The following HAPLN4 variants were observed in gnomAD, a reference collection of about 807,000 sequenced individuals.
The protein encoded by HAPLN4 is brain link protein 2.
HAPLN4 carries 19 observed loss-of-function variants against 28.0 expected under a neutral mutation model. That is an observed-to-expected ratio of 0.68 (90% confidence interval 0.47 to 1.00). HAPLN4 has a LOEUF of 1.00. Among genes scored for constraint, HAPLN4 ranks in the 50% least tolerant of loss-of-function variants. The probability of loss-of-function intolerance (pLI) is 0.00; values close to 1 mark genes in which losing one functional copy is unlikely to be tolerated. For synonymous variants in HAPLN4, 274 were observed against 273.0 expected (o/e 1.00, Z -0.03); for missense variants, 587 against 602.6 (o/e 0.97, Z 0.27).
Position 19,257,824 on chromosome 19 carries a change from T to C in HAPLN4, c.1202A>G (p.His401Arg). ...TGTCCGCCTACTCCCAGCCTAGACG[T>C]GCAGAGGGGTCCAGGCAGCAGGATC... Reference protein sequence around the residue: ...ARDPAAWTPLHV With the variant: ...ARDPAAWTPLRV The change falls in exon 5 of 5, where the codon CAC becomes CGC. Residue 401 changes from histidine to arginine, a missense_variant. Coordinates refer to ENST00000291481, the MANE Select transcript of HAPLN4 (RefSeq NM_023002.3). 7.1e-7 allele frequency: 1 copy of C among 1,409,646 alleles called. No individual in the cohort carries two copies. Among genetic ancestry groups the C allele is most frequent in the Non-Finnish European group, 9.2e-7 (1 of 1,091,648 alleles). The allele number at this position is 1,409,646 out of a possible 1,614,324, so 87.3% of individuals were successfully genotyped here. A position where few individuals can be genotyped will look rare whatever the true frequency, so the allele number is the denominator to read the frequency against.
intron 3 of HAPLN4, among the ~76,000 whole-genome samples, chr19:19,259,894 C>T (rs1014417553): frequency 6.6e-6 from 1 of 152,172 alleles, no homozygotes; most frequent in South Asian, 2.1e-4. Context: ...ATCAGAGCAT[C>T]CCATCTTCCA....
chr19:19,258,283 C>T lies in HAPLN4; in HGVS notation c.818-75G>A. The T allele has an allele frequency of 7.3e-7, 1 of 1,372,210 alleles. No individual in the cohort carries two copies. The highest frequency in any genetic ancestry group is 9.6e-7 in the Non-Finnish European group (1 of 1,036,888). 85.0% of individuals were successfully genotyped at this position (1,372,210 alleles called of 1,614,324 possible). A position where few individuals can be genotyped will look rare whatever the true frequency, so the allele number is the denominator to read the frequency against. The stretch of plus-strand genomic sequence containing the variant: ...TGCTTCGGTGGGATTCAGGACTGCC[C>T]CCCGCATGCAGCCTAGGACTCTGGC... On this transcript the variant is annotated intron_variant, in intron 4 of 4. Coordinates refer to ENST00000291481, the MANE Select transcript of HAPLN4 (RefSeq NM_023002.3). This position sits in a 1 kb window ranked among gnomAD's most constrained non-coding sequence, Gnocchi z 6.2.
Position 19,258,224 on chromosome 19 carries a change from G to C in HAPLN4, c.818-16C>G, listed in dbSNP as rs907074442. On this transcript the variant is annotated splice_polypyrimidine_tract_variant and intron_variant, in intron 4 of 4. Transcript: ENST00000291481. This position sits in a 1 kb window ranked among gnomAD's most constrained non-coding sequence, Gnocchi z 6.2. Reference sequence around the variant, plus strand: ...AACACGCGCCCTGCGGGGGTGAGGTGGGGGGTGGGTTATTAGTGCGGCTCC... The same window carrying C: ...AACACGCGCCCTGCGGGGGTGAGGTCGGGGGTGGGTTATTAGTGCGGCTCC... 4.8e-6 allele frequency: 7 copies of C among 1,466,536 alleles called. No homozygotes were observed. The highest frequency in any genetic ancestry group is 2.4e-5 in the Admixed American group (1 of 41,660). 90.8% of individuals were successfully genotyped at this position (1,466,536 alleles called of 1,614,324 possible).
At position 19,258,581 on chromosome 19, in the gene HAPLN4, C is replaced by A; in HGVS notation, c.759G>T (p.Gly253=). 1 of 1,613,750 alleles carries A rather than the reference C, an allele frequency of 6.2e-7. No individual in the cohort carries two copies. Among genetic ancestry groups the A allele is most frequent in the Non-Finnish European group, 8.5e-7 (1 of 1,179,866 alleles). The change falls in exon 4 of 5, where the codon GGG becomes GGT. Residue 253 remains glycine (G), a synonymous_variant. Coordinates refer to ENST00000291481, the MANE Select transcript of HAPLN4 (RefSeq NM_023002.3). The surrounding 1 kb of genome is among the most constrained non-coding windows in gnomAD (Gnocchi z 6.2). ...GDANGGLRNY[G]YRHNAEERYD... The stretch of plus-strand genomic sequence containing the variant: ...AGCGTTCCTCGGCGTTATGGCGATA[C>A]CCGTAGTTGCGCAGGCCCCCGTTGG...
intron 2 of HAPLN4, 94 bp from the exon 3 acceptor site, chr19:19,261,269 T>G: frequency 2.2e-6 from 3 of 1,370,164 alleles, no homozygotes; most frequent in Non-Finnish European, 3.0e-6. Context: ...GTGGGAAGAC[T>G]CGGGTGGGGG....
chr19:19,258,496 G>A lies in HAPLN4; in HGVS notation c.817+27C>T, dbSNP rs1599832221. 1.2e-6 allele frequency: 2 copies of A among 1,603,132 alleles called. No individual in the cohort carries two copies. Among genetic ancestry groups the A allele is most frequent in the Non-Finnish European group, 1.7e-6 (2 of 1,172,674 alleles). On this transcript the variant is annotated intron_variant, in intron 4 of 4. Coordinates refer to ENST00000291481, the MANE Select transcript of HAPLN4 (RefSeq NM_023002.3). This position sits in a 1 kb window ranked among gnomAD's most constrained non-coding sequence, Gnocchi z 6.2. ...GGGTTGGGGTAGTGTTGCAGCAGAG[G>A]CCAGTCTTGGGGTGAGGCCTACGCA...
intron 1 of HAPLN4, among the ~76,000 whole-genome samples, chr19:19,262,345 G>A (rs1290780413): frequency 1.3e-5 from 2 of 150,484 alleles, no homozygotes; most frequent in African/African-American, 4.9e-5. Flanking sequence ...GAGAGGCAGA[G>A]GGAGACAGAG....
rs765420731 is a variant in HAPLN4 at position 19,258,634 on chromosome 19, T to C, written c.706A>G (p.Thr236Ala). Residue 236 changes from threonine (T) to alanine (A), a missense_variant, in exon 4 of 5, where the codon ACC becomes GCC. By Grantham distance (58) the Thr-to-Ala change is moderately conservative. Coordinates refer to ENST00000291481, the MANE Select transcript of HAPLN4 (RefSeq NM_023002.3). The surrounding 1 kb of genome is among the most constrained non-coding windows in gnomAD (Gnocchi z 6.2). ...PREPCGGLGG[T>A]GSAGGGGDAN... is the part of the protein sequence containing the mutation. ...TCACCGCCGCCCCCTGCACTCCCGG[T>C]CCCCCCCAGGCCGCCGCAGGGCTCC... 1.2e-6 allele frequency: 2 copies of C among 1,611,520 alleles called. No individual in the cohort carries two copies. Among genetic ancestry groups the C allele is most frequent in the African/African-American group, 2.7e-5 (2 of 74,800 alleles).
At position 19,258,630 on chromosome 19, in the gene HAPLN4, C is replaced by G. The variant is rs1018483977; in HGVS notation, c.710G>C (p.Gly237Ala). The G allele has an allele frequency of 1.7e-5, 28 of 1,612,370 alleles. No homozygotes were observed. Among genetic ancestry groups the G allele is most frequent in the Non-Finnish European group, 2.2e-5 (26 of 1,179,380 alleles). ...GGCATCACCGCCGCCCCCTGCACTC[C>G]CGGTCCCCCCCAGGCCGCCGCAGGG... is the stretch of plus-strand genomic sequence containing the variant. ...REPCGGLGGT[G>A]SAGGGGDANG... is the part of the protein sequence containing the mutation. Residue 237 changes from glycine (G) to alanine (A), a missense_variant, in exon 4 of 5, where the codon GGG becomes GCG. Gly to Ala is a moderately conservative substitution (Grantham distance 60). Coordinates refer to ENST00000291481, the MANE Select transcript of HAPLN4 (RefSeq NM_023002.3). This position sits in a 1 kb window ranked among gnomAD's most constrained non-coding sequence, Gnocchi z 6.2.
At position 19,261,495 on chromosome 19, in the gene HAPLN4, T is replaced by G. The variant is rs2060983369; in HGVS notation, c.72A>C (p.Thr24=). The part of the protein sequence containing the change: ...WAAAWGVLLL[T]APAGAQRGRK... ...GGCCACGCTGCGCCCCCGCAGGGGC[T>G]GTGAGCAGCAGGACGCCCCAGGCCG... Residue 24 remains threonine, a synonymous_variant, in exon 2 of 5, where the codon ACA becomes ACC. Coordinates refer to ENST00000291481, the MANE Select transcript of HAPLN4 (RefSeq NM_023002.3). 1 of 1,611,992 alleles carries G rather than the reference T, an allele frequency of 6.2e-7. No homozygotes were observed. The highest frequency in any genetic ancestry group is 8.5e-7 in the Non-Finnish European group (1 of 1,179,638).
chr19:19,262,478 T>G (rs1325866932), intron 1 of HAPLN4, among the ~76,000 whole-genome samples: 6 of 134,928 alleles, frequency 4.4e-5, no homozygotes, highest in African/African-American at 8.6e-5. Flanking sequence ...GAGGGAGAGA[T>G]AGGGACAGGG....
chr19:19,262,687 G>A (rs1346853247), intron 1 of HAPLN4, 43 bp downstream of exon 1: 1 of 1,608,180 alleles, frequency 6.2e-7, no homozygotes, highest in African/African-American at 1.3e-5. Context: ...TCCAAGATTG[G>A]GGAGACGGGG....
At position 19,258,918 on chromosome 19, in the gene HAPLN4, G is replaced by A; in HGVS notation, c.485-63C>T. On this transcript the variant is annotated intron_variant, in intron 3 of 4. Coordinates refer to ENST00000291481, the MANE Select transcript of HAPLN4 (RefSeq NM_023002.3). This position sits in a 1 kb window ranked among gnomAD's most constrained non-coding sequence, Gnocchi z 6.2. Reference sequence around the variant, plus strand: ...GCCCACCCTCATGCACCTGACGTCTGGGGTGCTATGTGACTCTTCAACCGG... The same window carrying A: ...GCCCACCCTCATGCACCTGACGTCTAGGGTGCTATGTGACTCTTCAACCGG... 7.6e-7 allele frequency: 1 copy of A among 1,322,558 alleles called. No individual in the cohort carries two copies. The allele number at this position is 1,322,558 out of a possible 1,614,324, so 81.9% of individuals were successfully genotyped here.
At chr19:19,259,212 C>T (rs118043674) in intron 3 of HAPLN4, among the ~76,000 whole-genome samples, 1,652 of 152,242 alleles carry the variant, frequency 0.011, 16 homozygotes, top group Middle Eastern at 0.034. Flanking sequence ...CTCTGACATT[C>T]CGCCAGTACT....
Position 19,262,346 on chromosome 19 carries a change from G to GGAGACAGAGAGGCAGAGGGA in HAPLN4, c.3+364_3+383dup, listed in dbSNP as rs1157335356. On this transcript the variant is annotated intron_variant, in intron 1 of 4. Coordinates refer to ENST00000291481, the MANE Select transcript of HAPLN4 (RefSeq NM_023002.3). ...GAGAGGGAGAGACAGAGAGGCAGAG[G>GGAGACAGAGAGGCAGAGGGA]GAGACAGAGAGGCAGAGGGAGAGAC... Among the ~76,000 whole-genome samples, 229 of 139,026 alleles carry GGAGACAGAGAGGCAGAGGGA rather than the reference G, an allele frequency of 1.6e-3. 2 individuals are homozygous for GGAGACAGAGAGGCAGAGGGA. The highest frequency in any genetic ancestry group is 1.4e-3 in the Non-Finnish European group (92 of 64,120). 91.2% of individuals were successfully genotyped at this position (139,026 alleles called of 152,430 possible).
chr19:19,258,167 A>C lies in HAPLN4; in HGVS notation c.859T>G (p.Ser287Ala). 6.5e-7 allele frequency: 1 copy of C among 1,529,714 alleles called. No homozygotes were observed. Among genetic ancestry groups the C allele is most frequent in the African/African-American group, 1.4e-5 (1 of 73,264 alleles). The allele number at this position is 1,529,714 out of a possible 1,614,324, so 94.8% of individuals were successfully genotyped here. The stretch of plus-strand genomic sequence containing the variant: ...GCAGCACACGCGCGCGCAGCTCCGG[A>C]GAAGGGTACAGGTCGCAGCGGCTTC... ...FLKPLRPVPF[S>A]GAARACAARG... Residue 287 changes from serine (S) to alanine (A), a missense_variant, in exon 5 of 5, where the codon TCC becomes GCC. Coordinates refer to ENST00000291481, the MANE Select transcript of HAPLN4 (RefSeq NM_023002.3). This position sits in a 1 kb window ranked among gnomAD's most constrained non-coding sequence, Gnocchi z 6.2.
At position 19,258,005 on chromosome 19, in the gene HAPLN4, C is replaced by T. The variant is rs536471857; in HGVS notation, c.1021G>A (p.Gly341Ser). The T allele has an allele frequency of 4.0e-6, 6 of 1,513,974 alleles. No homozygotes were observed. In the African/African-American group the frequency reaches 8.5e-5, roughly 22 times the overall value. The allele number at this position is 1,513,974 out of a possible 1,614,324, so 93.8% of individuals were successfully genotyped here. ...PIVNPRARCGGRRPGVRSLGF... is the reference protein window; with the variant it reads ...PIVNPRARCGSRRPGVRSLGF... ...AGGCTGCGCACACCAGGCCTGCGGC[C>T]TCCGCAGCGCGCTCGCGGGTTCACG... Residue 341 changes from glycine to serine, a missense_variant, in exon 5 of 5, where the codon GGC becomes AGC. Coordinates refer to ENST00000291481, the MANE Select transcript of HAPLN4 (RefSeq NM_023002.3). This position sits in a 1 kb window ranked among gnomAD's most constrained non-coding sequence, Gnocchi z 6.2.
Position 19,255,978 on chromosome 19 carries a change from G to A in HAPLN4, c.*1839C>T, listed in dbSNP as rs1319356506. 1 of 152,304 alleles carries A rather than the reference G, an allele frequency of 6.6e-6. No individual in the cohort carries two copies. Among genetic ancestry groups the A allele is most frequent in the Non-Finnish European group, 1.5e-5 (1 of 68,090 alleles). 9.4% of individuals were successfully genotyped at this position (152,304 alleles called of 1,614,324 possible). ...CCCCCAGCTGCCTGTCAACGCCGAG[G>A]ACTTCGGCTGGGTCCTGACCTCTTA... On this transcript the variant is annotated 3_prime_UTR_variant, in exon 5 of 5. Transcript: ENST00000291481.
chr19:19,262,650 TA>T, intron 1 of HAPLN4, 79 bp downstream of exon 1: 1 of 1,485,292 alleles, frequency 6.7e-7, no homozygotes, highest in Non-Finnish European at 9.4e-7. Flanking sequence ...CAGAGGGATA[TA>T]GATTCAGAGG....
Sources: gnomAD v4.1 joint callset for allele counts (sites outside exome capture counted in the v4.1 genomes callset) on GRCh38, gnomAD v4.1.1 for gene constraint, Gnocchi (gnomAD v3.1) non-coding constraint, MANE v1.5 for transcripts, NCBI Gene and HGNC (gene_info 2026-07-23, HGNC 2026-07-21) for gene names.